CALR: variants seen among roughly 807,000 people sequenced by gnomAD.
CALR encodes the protein CRP55.
A neutral mutation model predicts 51.1 loss-of-function variants in CALR; 15 were observed. The ratio of observed to expected loss-of-function variants is 0.29; its 90% confidence interval spans 0.20 to 0.45. CALR has a LOEUF of 0.45. Among genes scored for constraint, CALR ranks in the 20% least tolerant of loss-of-function variants. The pLI, the probability that CALR is intolerant of heterozygous loss-of-function variation, is 1.00. For missense variants in CALR, 477 were observed against 530.6 expected, an observed-to-expected ratio of 0.90 and a Z score of 0.99; for synonymous variants, 239 against 205.9, an observed-to-expected ratio of 1.16 and a Z score of -1.38.
chr19:12,944,001 AACTTTC>A lies in CALR; in HGVS notation c.*90_*95del, dbSNP rs771082692. ...AAATAATGTCTCTGTGAGACTCGAG[AACTTTC>A]ATTTTTTTCCAGGCTGGTTCGGATT... On this transcript the variant is annotated 3_prime_UTR_variant, in exon 9 of 9. Transcript: ENST00000316448. 14 of 1,567,484 alleles carry A rather than the reference AACTTTC, an allele frequency of 8.9e-6. No individual in the cohort carries two copies. The East Asian group carries it at 3.3e-4, about 36-fold the overall frequency.
At position 12,940,650 on chromosome 19, in the gene CALR, A is replaced by G. The variant is rs1226804338; in HGVS notation, c.812A>G (p.Tyr271Cys). 2.5e-6 allele frequency: 4 copies of G among 1,613,916 alleles called. No individual in the cohort carries two copies. Among genetic ancestry groups the G allele is most frequent in the African/African-American group, 1.3e-5 (1 of 75,050 alleles). ...CCCCCAGTGATTCAGAACCCTGAGT[A>G]CAAGGTGAGTTTGGGGCTCTGAGCA... ...WEPPVIQNPE[Y>C]KGEWKPRQID... Residue 271 changes from tyrosine (Y) to cysteine (C), a missense_variant, in exon 6 of 9, where the codon TAC becomes TGC. Physicochemically the swap from Tyr to Cys is radical, Grantham distance 194. Transcript: ENST00000316448.
In CALR at chr19:12,940,532, AC is replaced by A. The variant is rs764010401; in HGVS notation, c.703-3del. On this transcript the variant is annotated splice_polypyrimidine_tract_variant and splice_region_variant and intron_variant, in intron 5 of 8. Transcript: ENST00000316448. Reference sequence around the variant, plus strand: ...TGGGCCAACTCTGATCTCTTCATCTACCCCCCAGGACTGGGACAAGCCCGAG... The same window carrying A: ...TGGGCCAACTCTGATCTCTTCATCTACCCCCAGGACTGGGACAAGCCCGAG... 2.7e-4 allele frequency: 431 copies of A among 1,613,388 alleles called. No homozygotes were observed. The highest frequency in any genetic ancestry group is 3.4e-4 in the Non-Finnish European group (397 of 1,179,590).
intron 7 of CALR, among the ~76,000 whole-genome samples, chr19:12,941,381 C>T (rs928079988): frequency 2.0e-5 from 3 of 151,982 alleles, no homozygotes; most frequent in East Asian, 1.9e-4. Context: ...CTGCGCCCTC[C>T]GTCTCCTGGT....
chr19:12,940,718 C>T, intron 6 of CALR, 26 bp from the exon 7 acceptor site: 1 of 1,614,150 alleles, frequency 6.2e-7, no homozygotes, highest in East Asian at 2.2e-5. Context: ...CTTACTCACC[C>T]TTCGGTTTCC....
Position 12,943,614 on chromosome 19 carries a change from G to A in CALR, c.1038G>A (p.Thr346=), listed in dbSNP as rs1306466845. 15 of 1,614,024 alleles carry A rather than the reference G, an allele frequency of 9.3e-6. No individual in the cohort carries two copies. Among genetic ancestry groups the A allele is most frequent in the Middle Eastern group, 1.6e-4 (1 of 6,082 alleles). ...ACGCTGAGGAGTTTGGCAACGAGAC[G>A]TGGGGCGTAACAAAGGTGAGGCCTG... is the stretch of plus-strand genomic sequence containing the variant. The part of the protein sequence containing the change: ...EAYAEEFGNE[T]WGVTKAAEKQ... The change falls in exon 8 of 9, where the codon ACG becomes ACA. Residue 346 remains threonine (T), a synonymous_variant. Transcript: ENST00000316448.
Position 12,938,740 on chromosome 19 carries a change from G to A in CALR, c.61G>A (p.Val21Ile). The stretch of plus-strand genomic sequence containing the variant: ...CGGCCTGGCCGTCGCCGAGCCTGCC[G>A]TCTACTTCAAGGAGCAGTTTCTGGA... Reference protein sequence around the residue: ...LLGLAVAEPAVYFKEQFLDGD... With the variant: ...LLGLAVAEPAIYFKEQFLDGD... Residue 21 changes from valine to isoleucine, a missense_variant, in exon 1 of 9, where the codon GTC (valine) becomes ATC (isoleucine). Val to Ile is a conservative substitution (Grantham distance 29, BLOSUM62 3). Coordinates refer to ENST00000316448, the MANE Select transcript of CALR (RefSeq NM_004343.4). The A allele has an allele frequency of 6.2e-7, 1 of 1,611,674 alleles. No homozygotes were observed. Among genetic ancestry groups the A allele is most frequent in the Non-Finnish European group, 8.5e-7 (1 of 1,179,362 alleles).
Position 12,939,203 on chromosome 19 carries a change from G to C in CALR, c.161G>C (p.Gly54Ala). The change falls in exon 2 of 9, where the codon GGC (glycine) becomes GCC (alanine). Residue 54 changes from glycine (G) to alanine (A), a missense_variant. Coordinates refer to ENST00000316448, the MANE Select transcript of CALR (RefSeq NM_004343.4). ...TTTGGCAAATTCGTTCTCAGTTCCG[G>C]CAAGTTCTACGGTGACGAGGAGAAA... is the stretch of plus-strand genomic sequence containing the variant. ...SDFGKFVLSS[G>A]KFYGDEEKDK... 6.2e-7 allele frequency: 1 copy of C among 1,611,616 alleles called. No homozygotes were observed. The highest frequency in any genetic ancestry group is 8.5e-7 in the Non-Finnish European group (1 of 1,178,786).
rs754300025 is a variant in CALR, at chr19:12,943,794, G to GAGGAGGAGGCAGAGGACA, written c.1143_1160dup (p.Glu381_Glu386dup). The GAGGAGGAGGCAGAGGACA allele has an allele frequency of 6.3e-7, 1 of 1,593,474 alleles. No homozygotes were observed. On this transcript the variant is annotated inframe_insertion, in exon 9 of 9. Transcript: ENST00000316448. The stretch of plus-strand genomic sequence containing the variant: ...GGAAGAAGACAAGAAACGCAAAGAG[G>GAGGAGGAGGCAGAGGACA]AGGAGGAGGCAGAGGACAAGGAGGA...
In CALR at chr19:12,940,282, C is replaced by A. The variant is rs1971527999; in HGVS notation, c.532C>A (p.Pro178Thr). 1 of 1,614,186 alleles carries A rather than the reference C, an allele frequency of 6.2e-7. No individual in the cohort carries two copies. Among genetic ancestry groups the A allele is most frequent in the Non-Finnish European group, 8.5e-7 (1 of 1,180,028 alleles). ...ACACCTGTACACACTGATTGTGCGG[C>A]CAGACAACACCTATGAGGTGAAGAT... ...FTHLYTLIVRPDNTYEVKIDN... is the reference protein window; with the variant it reads ...FTHLYTLIVRTDNTYEVKIDN... The change falls in exon 5 of 9, where the codon CCA becomes ACA. Residue 178 changes from proline to threonine, a missense_variant. Transcript: ENST00000316448.
Position 12,939,244 on chromosome 19 carries a change from C to T in CALR, c.193+9C>T, listed in dbSNP as rs747935992. On this transcript the variant is annotated intron_variant, in intron 2 of 8. Transcript: ENST00000316448. ...CGAGGAGAAAGATAAAGGTAAGAGC[C>T]TAGGAGTGGGTGCTCAGATCCGGGA... The T allele has an allele frequency of 6.3e-6, 10 of 1,588,762 alleles. No homozygotes were observed. The Admixed American group carries it at 1.6e-4, about 25-fold the overall frequency.
chr19:12,943,908 C>G lies in CALR; in HGVS notation c.1249C>G (p.Leu417Val). The change falls in exon 9 of 9, where the codon CTG becomes GTG. Residue 417 changes from leucine to valine, a missense_variant. Leu to Val is a conservative substitution (Grantham distance 32). Transcript: ENST00000316448. Reference protein sequence around the residue: ...EDVPGQAKDEL With the variant: ...EDVPGQAKDEV ...TGTCCCCGGCCAGGCCAAGGACGAG[C>G]TGTAGAGAGGCCTGCCTCCAGGGCT... 6.2e-7 allele frequency: 1 copy of G among 1,601,976 alleles called. No homozygotes were observed. Among genetic ancestry groups the G allele is most frequent in the Non-Finnish European group, 8.5e-7 (1 of 1,175,456 alleles).
intron 3 of CALR, 22 bp downstream of exon 3, chr19:12,939,653 C>A: frequency 6.3e-7 from 1 of 1,596,002 alleles, no homozygotes; most frequent in Non-Finnish European, 8.6e-7. Context: ...CTTCCTGGTG[C>A]TGATCTCTGT....
chr19:12,942,060 C>G (rs1310136121), intron 7 of CALR, among the ~76,000 whole-genome samples: 1 of 150,378 alleles, frequency 6.6e-6, no homozygotes, highest in African/African-American at 2.4e-5. Flanking sequence ...GAGACCCTCT[C>G]AAAAAAAGTT....
intron 7 of CALR, 137 bp downstream of exon 7, chr19:12,941,024 C>G: frequency 1.2e-6 from 1 of 831,882 alleles, no homozygotes; most frequent in Non-Finnish European, 2.1e-6. Flanking sequence ...ACTTCCTGGT[C>G]TGTCCCTGTG....
chr19:12,939,347 G>C lies in CALR; in HGVS notation c.194-81G>C. 1.7e-5 allele frequency: 25 copies of C among 1,480,890 alleles called. No individual in the cohort carries two copies. The South Asian group carries it at 2.7e-4, about 16-fold the overall frequency. The allele number at this position is 1,480,890 out of a possible 1,614,324, so 91.7% of individuals were successfully genotyped here. On this transcript the variant is annotated intron_variant, in intron 2 of 8. Coordinates refer to ENST00000316448, the MANE Select transcript of CALR (RefSeq NM_004343.4). Reference sequence around the variant, plus strand: ...TTGGAGGAGGACAGGTGGAGGAAGTGGGGGAGTCTTCTCTATTCTCTAAGT... The same window carrying C: ...TTGGAGGAGGACAGGTGGAGGAAGTCGGGGAGTCTTCTCTATTCTCTAAGT...
intron 3 of CALR, among the ~76,000 whole-genome samples, 180 bp downstream of exon 3, chr19:12,939,811 A>G (rs1408428675): frequency 1.3e-5 from 2 of 152,084 alleles, no homozygotes; most frequent in South Asian, 2.1e-4. Flanking sequence ...GTGTTTGTAT[A>G]TAGTTATTTC....
rs1555760759 is a variant in CALR at position 12,943,778 on chromosome 19, CAAGAAACGCAAAGAGGAGG to C, written c.1121_1139del (p.Lys374ArgfsTer50). ...AGAGGCTTAAGGAGGAGGAAGAAGA[CAAGAAACGCAAAGAGGAGG>C]AGGAGGCAGAGGACAAGGAGGATGA... On this transcript the variant is annotated frameshift_variant, in exon 9 of 9. Transcript: ENST00000316448. LOFTEE classifies it high-confidence loss of function. 1 of 1,600,556 alleles carries C rather than the reference CAAGAAACGCAAAGAGGAGG, an allele frequency of 6.2e-7. No homozygotes were observed. Among genetic ancestry groups the C allele is most frequent in the Non-Finnish European group, 8.5e-7 (1 of 1,173,364 alleles).
In CALR at chr19:12,943,907, G is replaced by A. The variant is rs1971587367; in HGVS notation, c.1248G>A (p.Glu416=). The change falls in exon 9 of 9, where the codon GAG becomes GAA. Residue 416 remains glutamate, a synonymous_variant. Coordinates refer to ENST00000316448, the MANE Select transcript of CALR (RefSeq NM_004343.4). ...EEDVPGQAKD[E]L is the part of the protein sequence containing the mutation. The stretch of plus-strand genomic sequence containing the variant: ...ATGTCCCCGGCCAGGCCAAGGACGA[G>A]CTGTAGAGAGGCCTGCCTCCAGGGC... 1.2e-6 allele frequency: 2 copies of A among 1,602,016 alleles called. No homozygotes were observed. The highest frequency in any genetic ancestry group is 1.1e-5 in the South Asian group (1 of 88,854).
rs781328465 is a variant in CALR, at chr19:12,939,507, G to A, written c.273G>A (p.Leu91=). ...FEPFSNKGQT[L]VVQFTVKHEQ... ...CTTTCAGCAACAAAGGCCAGACGCTGGTGGTGCAGTTCACGGTGAAACATG... is the reference window on the plus strand; with the variant it reads ...CTTTCAGCAACAAAGGCCAGACGCTAGTGGTGCAGTTCACGGTGAAACATG... Residue 91 remains leucine, a synonymous_variant, in exon 3 of 9, where the codon CTG becomes CTA. Transcript: ENST00000316448. 2 of 1,613,256 alleles carry A rather than the reference G, an allele frequency of 1.2e-6. No homozygotes were observed. Among genetic ancestry groups the A allele is most frequent in the Non-Finnish European group, 1.7e-6 (2 of 1,180,034 alleles).
Sources: allele counts gnomAD v4.1 joint callset (sites outside exome capture counted in the v4.1 genomes callset), GRCh38; gene constraint gnomAD v4.1.1; transcripts MANE v1.5; gene names NCBI Gene and HGNC (gene_info 2026-07-23, HGNC 2026-07-21).